Variants in MAF observed in about 807,000 individuals in gnomAD.
MAF encodes the protein transcription factor Maf.
Under a neutral mutation model 22.0 loss-of-function variants are expected in MAF, and 10 were observed. The observed-to-expected ratio is 0.45, with a 90% CI of 0.28 to 0.77. The LOEUF is 0.77. MAF is among the 30% of genes least tolerant of loss of function. The pLI is 0.12. For synonymous variants in MAF, 337 were observed against 255.8 expected (o/e 1.32, Z -3.03); for missense variants, 544 against 548.4 (o/e 0.99, Z 0.08).
the MAF span, among the ~76,000 whole-genome samples, chr16:79,251,213 T>C: frequency 1.3e-5 from 2 of 152,138 alleles, no homozygotes; most frequent in East Asian, 3.9e-4. Context: ...AAATTGGAAA[T>C]TTGGCCGCTG....
At chr16:79,305,220 C>T in the MAF span, among the ~76,000 whole-genome samples, 3 of 152,174 alleles carry the variant, frequency 2.0e-5, no homozygotes, top group Admixed American at 1.3e-4. Context: ...ATTACTTGGG[C>T]TCAGTGATGA....
chr16:79,424,317 A>C, the MAF span, among the ~76,000 whole-genome samples: 2 of 152,228 alleles, frequency 1.3e-5, no homozygotes, highest in Non-Finnish European at 2.9e-5. Context: ...TAGAGTCCAC[A>C]GACTGGAATT....
chr16:79,211,396 A>T, the MAF span, among the ~76,000 whole-genome samples: 1 of 152,190 alleles, frequency 6.6e-6, no homozygotes, highest in East Asian at 1.9e-4. Context: ...CACCAGCTTT[A>T]CAAGCGGAGT....
the MAF span, among the ~76,000 whole-genome samples, chr16:79,504,447 T>C: frequency 6.6e-6 from 1 of 152,240 alleles, no homozygotes; most frequent in South Asian, 2.1e-4. Flanking sequence ...GAGCCTATGC[T>C]TTCTTATTTT....
chr16:79,397,344 A>T, the MAF span, among the ~76,000 whole-genome samples: 8 of 152,298 alleles, frequency 5.3e-5, no homozygotes, highest in Non-Finnish European at 7.4e-5. Flanking sequence ...TTGTTCTTTA[A>T]ATAGTGCAGA....
chr16:79,600,083 C>T lies in MAF; in HGVS notation c.-181G>A, dbSNP rs1913924547. 5 of 718,872 alleles carry T rather than the reference C, an allele frequency of 7.0e-6. No individual in the cohort carries two copies. Among genetic ancestry groups the T allele is most frequent in the Admixed American group, 7.1e-5 (2 of 28,096 alleles). 44.5% of individuals were successfully genotyped at this position (718,872 alleles called of 1,614,324 possible). A position where few individuals can be genotyped will look rare whatever the true frequency, so the allele number is the denominator to read the frequency against. ...GCGCTCACACACACACCCCCCCGCCCTGCCCGCGCCCCCCGCGCCCGCCCT... is the reference window on the plus strand; with the variant it reads ...GCGCTCACACACACACCCCCCCGCCTTGCCCGCGCCCCCCGCGCCCGCCCT... On this transcript the variant is annotated 5_prime_UTR_variant, in exon 1 of 2. Transcript: ENST00000326043.
At chr16:79,259,615 G>A in the MAF span, among the ~76,000 whole-genome samples, 2 of 152,248 alleles carry the variant, frequency 1.3e-5, no homozygotes, top group East Asian at 1.9e-4. Context: ...GGAAGAATGA[G>A]GTCTTCACTT....
the MAF span, among the ~76,000 whole-genome samples, chr16:79,316,229 C>G: frequency 1.3e-5 from 2 of 152,186 alleles, no homozygotes; most frequent in Non-Finnish European, 2.9e-5. Flanking sequence ...TGCTGGTAAC[C>G]TTACTTAGCA....
At chr16:79,252,370 T>C in the MAF span, among the ~76,000 whole-genome samples, 1 of 151,896 alleles carries the variant, frequency 6.6e-6, no homozygotes, top group Non-Finnish European at 1.5e-5. Flanking sequence ...AAATATTCTC[T>C]TTCCCCTCAA....
At chr16:79,463,017 G>A in the MAF span, among the ~76,000 whole-genome samples, 1 of 152,180 alleles carries the variant, frequency 6.6e-6, no homozygotes, top group African/African-American at 2.4e-5. Context: ...GCCCACTCTA[G>A]GGAGTGAATA....
downstream of MAF, among the ~76,000 whole-genome samples, chr16:79,593,534 C>A (rs533018937): frequency 6.6e-6 from 1 of 152,164 alleles, no homozygotes; most frequent in South Asian, 2.1e-4. Flanking sequence ...GCGTGAGCAT[C>A]CTGCATTCAG....
At chr16:79,522,291 T>C in the MAF span, among the ~76,000 whole-genome samples, 1 of 152,220 alleles carries the variant, frequency 6.6e-6, no homozygotes, top group East Asian at 1.9e-4. Flanking sequence ...TTTCTCTTTT[T>C]ACATGAGTCT....
the MAF span, among the ~76,000 whole-genome samples, chr16:79,389,923 C>G: frequency 1.6e-5 from 2 of 123,416 alleles, no homozygotes; most frequent in Non-Finnish European, 3.1e-5. Context: ...TTGCAGTGAG[C>G]TGAGATCGTA....
chr16:79,408,084 A>AG, the MAF span, among the ~76,000 whole-genome samples: 1 of 148,796 alleles, frequency 6.7e-6, no homozygotes, highest in Non-Finnish European at 1.5e-5. Context: ...CTTTCAAAAA[A>AG]AAAAAAAAAA....
At chr16:79,393,677 G>T in the MAF span, among the ~76,000 whole-genome samples, 1 of 152,198 alleles carries the variant, frequency 6.6e-6, no homozygotes, top group Non-Finnish European at 1.5e-5. Flanking sequence ...GGTCCATGCA[G>T]AGGCAACCTT....
At chr16:79,343,943 AT>A in the MAF span, among the ~76,000 whole-genome samples, 5 of 152,292 alleles carry the variant, frequency 3.3e-5, no homozygotes, top group East Asian at 5.8e-4. Flanking sequence ...TGATGTTTGC[AT>A]TTATGCATCC....
At chr16:79,455,698 C>T in the MAF span, among the ~76,000 whole-genome samples, 2 of 152,102 alleles carry the variant, frequency 1.3e-5, no homozygotes, top group Admixed American at 1.3e-4. Context: ...AATATTAGCC[C>T]TGAAAATGTT....
the MAF span, among the ~76,000 whole-genome samples, chr16:79,517,058 T>G: frequency 6.6e-6 from 1 of 152,142 alleles, no homozygotes; most frequent in Admixed American, 6.5e-5. Context: ...CATAGCACAC[T>G]GCTCTTTTGT....
At chr16:79,449,074 C>T in the MAF span, among the ~76,000 whole-genome samples, 1 of 152,156 alleles carries the variant, frequency 6.6e-6, no homozygotes, top group African/African-American at 2.4e-5. Flanking sequence ...AGTGACAGAT[C>T]ATCAGGCATT....
Sources: allele counts gnomAD v4.1 joint callset (sites outside exome capture counted in the v4.1 genomes callset), GRCh38; gene constraint gnomAD v4.1.1; transcripts MANE v1.5; gene names NCBI Gene and HGNC (gene_info 2026-07-23, HGNC 2026-07-21).